The following SLC35F4 variants were observed in gnomAD, a reference collection of about 807,000 sequenced individuals.
SLC35F4 encodes solute carrier family 35 member F4, also known as chromosome 14 open reading frame 36.
A neutral mutation model predicts 44.2 loss-of-function variants in SLC35F4; 24 were observed. The observed-to-expected ratio is 0.54, with a 90% CI of 0.39 to 0.76. The LOEUF is 0.76. SLC35F4 is among the 30% of genes least tolerant of loss of function. The probability of loss-of-function intolerance (pLI) is 0.00; values close to 1 mark genes in which losing one functional copy is unlikely to be tolerated. For missense variants in SLC35F4, 562 were observed against 586.1 expected (o/e 0.96, Z 0.42); for synonymous variants, 238 against 223.6 (o/e 1.06, Z -0.57).
chr14:57,762,759 T>C (rs1057326011), intron 1 of SLC35F4, among the ~76,000 whole-genome samples: 1 of 152,132 alleles, frequency 6.6e-6, no homozygotes, highest in Non-Finnish European at 1.5e-5. Context: ...CCTCACTATA[T>C]GATGCCTTCT....
At chr14:57,593,348 G>A (rs1230956998) in intron 2 of SLC35F4, among the ~76,000 whole-genome samples, 2 of 152,184 alleles carry the variant, frequency 1.3e-5, no homozygotes, top group East Asian at 3.9e-4. Context: ...CATGAGCACA[G>A]TTACAAGATT....
intron 1 of SLC35F4, among the ~76,000 whole-genome samples, chr14:57,771,718 T>C (rs1321079067): frequency 6.6e-6 from 1 of 152,188 alleles, no homozygotes; most frequent in African/African-American, 2.4e-5. Flanking sequence ...CTTAGCCTCC[T>C]GAGTAGTTGG....
At chr14:57,708,748 A>AG (rs963701273) in intron 1 of SLC35F4, among the ~76,000 whole-genome samples, 33 of 152,282 alleles carry the variant, frequency 2.2e-4, no homozygotes, top group African/African-American at 7.7e-4. Flanking sequence ...CACGGAGACC[A>AG]GTAGTGGTCC....
chr14:57,685,968 A>T (rs1384224779), intron 1 of SLC35F4, among the ~76,000 whole-genome samples: 1 of 152,182 alleles, frequency 6.6e-6, no homozygotes, highest in Non-Finnish European at 1.5e-5. Context: ...TTATGAGAGT[A>T]GGTCTGAGCA....
chr14:57,888,285 C>T (rs974114180), intron 1 of SLC35F4, among the ~76,000 whole-genome samples: 3 of 152,178 alleles, frequency 2.0e-5, no homozygotes, highest in Admixed American at 6.6e-5. Context: ...TTTCATAAAA[C>T]CCACACACTT....
At chr14:57,588,193 C>T (rs999659318) in intron 3 of SLC35F4, among the ~76,000 whole-genome samples, 2 of 152,146 alleles carry the variant, frequency 1.3e-5, no homozygotes, top group African/African-American at 4.8e-5. Context: ...TGAAGATAGA[C>T]CCTTCAAAGT....
intron 1 of SLC35F4, among the ~76,000 whole-genome samples, chr14:57,633,111 A>T (rs1429255223): frequency 6.6e-6 from 1 of 152,152 alleles, no homozygotes; most frequent in Non-Finnish European, 1.5e-5. Context: ...CATGTACCAC[A>T]GTTTATTTAT....
At chr14:57,635,253 A>AG (rs1023534849) in intron 1 of SLC35F4, among the ~76,000 whole-genome samples, 5 of 152,024 alleles carry the variant, frequency 3.3e-5, no homozygotes, top group African/African-American at 1.2e-4. Flanking sequence ...CTCAAAAAAA[A>AG]AAAAAAAAAC....
At chr14:57,859,934 T>C (rs980119389) in intron 1 of SLC35F4, among the ~76,000 whole-genome samples, 5 of 152,214 alleles carry the variant, frequency 3.3e-5, no homozygotes, top group African/African-American at 1.2e-4. Context: ...TTTGGTTTTA[T>C]GTGTGACATG....
chr14:57,589,150 A>T, intron 3 of SLC35F4, 66 bp downstream of exon 3: 2 of 1,493,034 alleles, frequency 1.3e-6, no homozygotes, highest in Non-Finnish European at 1.8e-6. Flanking sequence ...CCCAAGAGAT[A>T]AAAATAGGCA....
chr14:57,847,708 C>T (rs1195611770), intron 1 of SLC35F4, among the ~76,000 whole-genome samples: 2 of 152,172 alleles, frequency 1.3e-5, no homozygotes, highest in Non-Finnish European at 2.9e-5. Context: ...AACCAACAGT[C>T]AGATCAAGAA....
At chr14:57,743,762 GAC>G (rs1483660115) in intron 1 of SLC35F4, among the ~76,000 whole-genome samples, 1 of 152,142 alleles carries the variant, frequency 6.6e-6, no homozygotes, top group African/African-American at 2.4e-5. Flanking sequence ...GGCTGGCAAA[GAC>G]ACAACAAAAA....
intron 1 of SLC35F4, among the ~76,000 whole-genome samples, chr14:57,977,521 A>C (rs1881253983): frequency 6.6e-6 from 1 of 152,208 alleles, no homozygotes; most frequent in Admixed American, 6.5e-5. Flanking sequence ...ACAATCCATC[A>C]AATCATATGG....
At chr14:57,600,061 A>C (rs966152134) in intron 1 of SLC35F4, among the ~76,000 whole-genome samples, 1 of 152,172 alleles carries the variant, frequency 6.6e-6, no homozygotes, top group Non-Finnish European at 1.5e-5. Context: ...GGAGTAAAGA[A>C]AAGACATCCA....
At chr14:57,976,437 T>C (rs1566523165), downstream of SLC35F4, among the ~76,000 whole-genome samples, 1 of 152,196 alleles carries the variant, frequency 6.6e-6, no homozygotes, top group Admixed American at 6.5e-5. Flanking sequence ...ATAAGAGTCA[T>C]TGTAACAGGA....
intron 1 of SLC35F4, among the ~76,000 whole-genome samples, chr14:57,739,754 A>G (rs1165429546): frequency 6.6e-6 from 1 of 152,196 alleles, no homozygotes; most frequent in Non-Finnish European, 1.5e-5. Flanking sequence ...AGTTTCATCT[A>G]TAAATCACAA....
rs1349320620 is a variant in SLC35F4, at chr14:57,748,404, ACTACC to A, written c.103+117314_103+117318del. 3.9e-5 allele frequency among the ~76,000 whole-genome samples: 6 copies of A among 152,202 alleles called. No individual in the cohort carries two copies. In the East Asian group the frequency reaches 1.2e-3, roughly 29 times the overall value. The stretch of plus-strand genomic sequence containing the variant: ...CAGTTTCAATACAGGGATCCCTCAC[ACTACC>A]CTTTTATAGCTACAGTGGGTTTTTT... On this transcript the variant is annotated intron_variant, in intron 1 of 7. Coordinates refer to ENST00000556826, the MANE Select transcript of SLC35F4 (RefSeq NM_001306087.2).
chr14:57,611,585 T>A (rs1236908517), intron 1 of SLC35F4, among the ~76,000 whole-genome samples: 4 of 127,080 alleles, frequency 3.1e-5, no homozygotes, highest in Non-Finnish European at 3.6e-5. Flanking sequence ...AGAGAAGAGT[T>A]AAAAAAAAAA....
chr14:57,611,729 A>C (rs2071521868), intron 1 of SLC35F4, among the ~76,000 whole-genome samples: 1 of 152,174 alleles, frequency 6.6e-6, no homozygotes, highest in Admixed American at 6.5e-5. Context: ...GTTTCAGTAG[A>C]GAAGAGGTGA....
Sources: allele counts gnomAD v4.1 joint callset (sites outside exome capture counted in the v4.1 genomes callset), GRCh38; gene constraint gnomAD v4.1.1; transcripts MANE v1.5; gene names NCBI Gene and HGNC (gene_info 2026-07-23, HGNC 2026-07-21).